Variants in DLGAP2 observed in about 807,000 individuals in gnomAD.
DLGAP2 encodes DLG associated protein 2, also known as disks large-associated protein 2.
DLGAP2 carries 26 observed loss-of-function variants against 100.3 expected under a neutral mutation model. That is an observed-to-expected ratio of 0.26 (90% CI 0.19 to 0.36). The LOEUF is 0.36. Among genes scored for constraint, DLGAP2 ranks in the 10% least tolerant of loss-of-function variants. The pLI is 1.00. For missense variants in DLGAP2, 1,858 were observed against 1,453.2 expected (o/e 1.28, Z -4.53); for synonymous variants, 886 against 630.1 (o/e 1.41, Z -6.08).
At chr8:1,118,714 A>G (rs1182745835) in intron 2 of DLGAP2, among the ~76,000 whole-genome samples, 1 of 152,216 alleles carries the variant, frequency 6.6e-6, no homozygotes, top group Admixed American at 6.5e-5. Flanking sequence ...GACCGAAAGA[A>G]CTTGGAGATA....
At chr8:1,470,740 CCCGA>C (rs1204988594) in intron 3 of DLGAP2, among the ~76,000 whole-genome samples, 9 of 150 alleles carry the variant, frequency 0.06, no homozygotes, top group African/African-American at 0.19. Context: ...CCTCCCCTTC[CCCGA>C]CTCCTTCCCC....
At position 1,585,912 on chromosome 8, in the gene DLGAP2, T is replaced by C. The variant is rs115121190; in HGVS notation, c.1442+20018T>C. Among the ~76,000 whole-genome samples the C allele has an allele frequency of 7.0e-3, 1,065 of 152,344 alleles. 18 individuals carry two copies. Among genetic ancestry groups the C allele is most frequent in the African/African-American group, 0.025 (1,022 of 41,576 alleles). On this transcript the variant is annotated intron_variant, in intron 6 of 14. Coordinates refer to ENST00000637795, the MANE Select transcript of DLGAP2 (RefSeq NM_001346810.2). ...GGGGTTTCCACTGCCCATGACTTTA[T>C]CCTGTCCGGACACTTTCGTGTGTGT... is the stretch of plus-strand genomic sequence containing the variant.
At position 948,510 on chromosome 8, in the gene DLGAP2, C is replaced by A. The variant is rs148352000; in HGVS notation, c.73+40544C>A. 2.2e-4 allele frequency among the ~76,000 whole-genome samples: 34 copies of A among 152,348 alleles called. 1 individual carries two copies. Among genetic ancestry groups the A allele is most frequent in the African/African-American group, 7.7e-4 (32 of 41,592 alleles). On this transcript the variant is annotated intron_variant, in intron 2 of 14. Coordinates refer to ENST00000637795, the MANE Select transcript of DLGAP2 (RefSeq NM_001346810.2). ...CTGCTGGGTGATGGCGGGGTCACAGCAGGGGAGACGTTGGCTCCTCCGCTC... is the reference window on the plus strand; with the variant it reads ...CTGCTGGGTGATGGCGGGGTCACAGAAGGGGAGACGTTGGCTCCTCCGCTC...
rs528820670 is a variant in DLGAP2 at position 967,323 on chromosome 8, A to G, written c.73+59357A>G. On this transcript the variant is annotated intron_variant, in intron 2 of 14. Coordinates refer to ENST00000637795, the MANE Select transcript of DLGAP2 (RefSeq NM_001346810.2). ...GCTTAAGCGCATATCCCTTTCGAAC[A>G]TGAAGGTTCAGATAAGGCATGAACT... Among the ~76,000 whole-genome samples the G allele has an allele frequency of 2.0e-5, 3 of 152,378 alleles. No individual in the cohort carries two copies. The South Asian group carries it at 6.2e-4, about 32-fold the overall frequency.
chr8:1,604,394 T>C (rs1056756198), intron 6 of DLGAP2, among the ~76,000 whole-genome samples: 1 of 152,122 alleles, frequency 6.6e-6, no homozygotes, highest in African/African-American at 2.4e-5. Flanking sequence ...TCCAAATAGA[T>C]CCATGTTTCT....
chr8:1,230,684 A>C (rs1585172147), intron 2 of DLGAP2, among the ~76,000 whole-genome samples: 1 of 152,328 alleles, frequency 6.6e-6, no homozygotes, highest in African/African-American at 2.4e-5. Context: ...AACAGAATAT[A>C]CAACCCAGAA....
intron 3 of DLGAP2, among the ~76,000 whole-genome samples, chr8:1,407,235 CTTG>C (rs1796585877): frequency 5.8e-5 from 2 of 34,590 alleles, no homozygotes; most frequent in Non-Finnish European, 9.8e-5. Context: ...GCGCCACCTC[CTTG>C]TCCTCCGGAG....
intron 2 of DLGAP2, among the ~76,000 whole-genome samples, chr8:1,253,652 G>A (rs183911024): frequency 7.2e-5 from 11 of 152,232 alleles, no homozygotes; most frequent in Admixed American, 2.0e-4. Flanking sequence ...AGCGGGCTGC[G>A]TGTGGTGAGG....
chr8:1,450,838 G>A (rs1798140140), intron 3 of DLGAP2, among the ~76,000 whole-genome samples: 1 of 152,060 alleles, frequency 6.6e-6, no homozygotes, highest in Admixed American at 6.5e-5. Context: ...ATTTGTTCTG[G>A]TAAAGAACAA....
chr8:1,550,953 G>A (rs1313630066), intron 5 of DLGAP2, among the ~76,000 whole-genome samples: 1 of 152,250 alleles, frequency 6.6e-6, no homozygotes, highest in Non-Finnish European at 1.5e-5. Flanking sequence ...GGAGTAATGG[G>A]CCATTGCTGG....
rs779975171 is a variant in DLGAP2 at position 1,701,345 on chromosome 8, C to G, written c.3107C>G (p.Ser1036Cys). 3.8e-6 allele frequency: 6 copies of G among 1,595,288 alleles called. No individual in the cohort carries two copies. The Admixed American group carries it at 1.0e-4, about 28-fold the overall frequency. The change falls in exon 15 of 15, where the codon TCC becomes TGC. Residue 1036 changes from serine to cysteine, a missense_variant. Coordinates refer to ENST00000637795, the MANE Select transcript of DLGAP2 (RefSeq NM_001346810.2). ...AKRAASFRQN[S>C]ASERADSIEI... ...CGAGCGGCGTCCTTCCGGCAGAATT[C>G]CGCCTCCGAGCGCGCGGACAGCATC... is the stretch of plus-strand genomic sequence containing the variant.
At chr8:1,183,604 G>A (rs995237580) in intron 2 of DLGAP2, among the ~76,000 whole-genome samples, 4 of 152,214 alleles carry the variant, frequency 2.6e-5, no homozygotes, top group Non-Finnish European at 5.9e-5. Context: ...CCACAGAGGC[G>A]GAGGTTTGCG....
intron 2 of DLGAP2, among the ~76,000 whole-genome samples, chr8:934,517 C>T (rs559053226): frequency 6.6e-6 from 1 of 152,312 alleles, no homozygotes; most frequent in African/African-American, 2.4e-5. Flanking sequence ...GGTTTCTGCC[C>T]ATCCCTACTT....
chr8:942,719 C>T (rs1799223904), intron 2 of DLGAP2, among the ~76,000 whole-genome samples: 1 of 152,238 alleles, frequency 6.6e-6, no homozygotes, highest in Non-Finnish European at 1.5e-5. Context: ...ACCAACTTCA[C>T]TGGGGTCCTT....
intron 6 of DLGAP2, among the ~76,000 whole-genome samples, chr8:1,623,869 T>A (rs549271481): frequency 6.6e-6 from 1 of 152,378 alleles, no homozygotes; most frequent in East Asian, 1.9e-4. Context: ...AGTCTATGTT[T>A]TAAAAAAAAT....
intron 3 of DLGAP2, among the ~76,000 whole-genome samples, chr8:1,441,290 T>C (rs1467536570): frequency 3.9e-5 from 6 of 152,176 alleles, no homozygotes; most frequent in African/African-American, 1.4e-4. Context: ...TTGCATAAAA[T>C]TACGTTACTT....
intron 2 of DLGAP2, among the ~76,000 whole-genome samples, chr8:962,499 G>T (rs1252025308): frequency 1.3e-5 from 2 of 152,178 alleles, no homozygotes; most frequent in Non-Finnish European, 2.9e-5. Flanking sequence ...TCCATGCTGG[G>T]GTGGGCGCCT....
At chr8:1,055,688 G>A (rs1021886973) in intron 2 of DLGAP2, among the ~76,000 whole-genome samples, 1 of 152,150 alleles carries the variant, frequency 6.6e-6, no homozygotes, top group Non-Finnish European at 1.5e-5. Flanking sequence ...CCTCCACAAA[G>A]CAGGTTCCAG....
At chr8:1,347,144 C>G (rs1468822373) in intron 3 of DLGAP2, among the ~76,000 whole-genome samples, 1 of 151,738 alleles carries the variant, frequency 6.6e-6, no homozygotes, top group African/African-American at 2.4e-5. Flanking sequence ...CTCATGGCGG[C>G]TGTGTGGAGG....
Sources: gnomAD v4.1 joint callset for allele counts (sites outside exome capture counted in the v4.1 genomes callset) on GRCh38, gnomAD v4.1.1 for gene constraint, MANE v1.5 for transcripts, NCBI Gene and HGNC (gene_info 2026-07-23, HGNC 2026-07-21) for gene names.